AFG3L2: variants seen among roughly 807,000 people sequenced by gnomAD.
AFG3L2 encodes AFG3 like matrix AAA peptidase subunit 2.
A neutral mutation model predicts 94.5 loss-of-function variants in AFG3L2; 54 were observed. The observed-to-expected ratio is 0.57, with a 90% CI of 0.46 to 0.72. The LOEUF is 0.72. AFG3L2 is among the 30% of genes least tolerant of loss of function. AFG3L2 has a pLI of 0.00. For missense variants in AFG3L2, 754 were observed against 994.9 expected (o/e 0.76, Z 3.26); for synonymous variants, 377 against 365.5 (o/e 1.03, Z -0.36).
In AFG3L2 at chr18:12,333,300, ATAT is replaced by A. The variant is rs971222180; in HGVS notation, c.2176-3520_2176-3518del. ...TAGATTATATATAATATATAAATAT[ATAT>A]TATATATTATAAATATATAATATAT... is the stretch of plus-strand genomic sequence containing the variant. On this transcript the variant is annotated intron_variant, in intron 16 of 16. Transcript: ENST00000269143. Among the ~76,000 whole-genome samples the A allele has an allele frequency of 2.3e-3, 303 of 131,398 alleles. 1 individual carries two copies. Among genetic ancestry groups the A allele is most frequent in the African/African-American group, 8.3e-3 (290 of 34,930 alleles). 86.2% of individuals were successfully genotyped at this position (131,398 alleles called of 152,430 possible).
chr18:12,369,472 T>C (rs573922880), intron 3 of AFG3L2, among the ~76,000 whole-genome samples: 2 of 152,316 alleles, frequency 1.3e-5, no homozygotes, highest in African/African-American at 4.8e-5. Context: ...TGGTCACGCC[T>C]GTAATCCTAG....
intron 16 of AFG3L2, among the ~76,000 whole-genome samples, chr18:12,335,616 C>T (rs1381373262): frequency 1.3e-5 from 2 of 152,224 alleles, no homozygotes; most frequent in Non-Finnish European, 1.5e-5. Flanking sequence ...CTGTCTCAGC[C>T]ACTCTTGGGT....
chr18:12,361,492 C>CA (rs1271903731), intron 6 of AFG3L2, among the ~76,000 whole-genome samples: 1 of 151,542 alleles, frequency 6.6e-6, no homozygotes, highest in Non-Finnish European at 1.5e-5. Context: ...ACTAAAAATA[C>CA]AAAAAATTAG....
intron 16 of AFG3L2, among the ~76,000 whole-genome samples, chr18:12,331,779 G>C (rs1184580504): frequency 9.0e-6 from 1 of 111,484 alleles, no homozygotes; most frequent in East Asian, 2.5e-4. Flanking sequence ...GGGCAACAGA[G>C]GGAGAGTCTG....
chr18:12,347,839 G>A (rs369510343), intron 13 of AFG3L2, among the ~76,000 whole-genome samples: 6 of 152,284 alleles, frequency 3.9e-5, no homozygotes, highest in African/African-American at 7.2e-5. Flanking sequence ...GTGAGCCACC[G>A]CACCCGGCTG....
chr18:12,344,982 T>C (rs182657302), intron 13 of AFG3L2, among the ~76,000 whole-genome samples: 106 of 152,354 alleles, frequency 7.0e-4, no homozygotes, highest in African/African-American at 2.1e-3. Context: ...TTCAGAATTA[T>C]CAAATACTGG....
At chr18:12,353,233 G>T in intron 9 of AFG3L2, 75 bp from the exon 10 acceptor site, 1 of 1,572,910 alleles carries the variant, frequency 6.4e-7, no homozygotes, top group Admixed American at 1.7e-5. Context: ...GAAATAAATC[G>T]GCCGGGCACA....
At chr18:12,350,404 A>C (rs969711435) in intron 12 of AFG3L2, among the ~76,000 whole-genome samples, 2 of 152,028 alleles carry the variant, frequency 1.3e-5, no homozygotes, top group Admixed American at 1.3e-4. Context: ...TTTTTAGTTA[A>C]CTTTATTTCA....
In AFG3L2 at chr18:12,331,094, A is replaced by G. The variant is rs56790774; in HGVS notation, c.2176-1311T>C. 4.9e-3 allele frequency among the ~76,000 whole-genome samples: 744 copies of G among 152,344 alleles called. 6 individuals are homozygous for G. The highest frequency in any genetic ancestry group is 0.017 in the African/African-American group (703 of 41,574). ...ATGTAGATGGTGGTCCCGTAAGATT[A>G]TAATACCTTATTTTAACTGTACCTT... is the stretch of plus-strand genomic sequence containing the variant. On this transcript the variant is annotated intron_variant, in intron 16 of 16. Transcript: ENST00000269143.
At chr18:12,368,314 G>A (rs1480158738) in intron 3 of AFG3L2, among the ~76,000 whole-genome samples, 1 of 151,782 alleles carries the variant, frequency 6.6e-6, no homozygotes, top group Non-Finnish European at 1.5e-5. Context: ...AGCTGTGATT[G>A]TACCACTGCA....
chr18:12,375,411 G>GA (rs5823210), intron 1 of AFG3L2, among the ~76,000 whole-genome samples: 27,016 of 118,292 alleles, frequency 0.23, 2,695 homozygotes, highest in Admixed American at 0.31. Flanking sequence ...GCCCAGGTAA[G>GA]AAAAAAAAAA....
chr18:12,342,740 T>C (rs1271562008), intron 14 of AFG3L2: 2 of 152,190 alleles, frequency 1.3e-5, no homozygotes, highest in Non-Finnish European at 2.9e-5. Flanking sequence ...ATTTTTCCTG[T>C]GAATACTCTG....
At chr18:12,367,212 GC>G (rs1190141555) in intron 4 of AFG3L2, 63 bp downstream of exon 4, 1 of 1,611,496 alleles carries the variant, frequency 6.2e-7, no homozygotes, top group Non-Finnish European at 8.5e-7. Context: ...CTACACTAAT[GC>G]CTCCCAACCT....
chr18:12,375,821 G>A lies in AFG3L2; in HGVS notation c.114+1148C>T, dbSNP rs115003893. Among the ~76,000 whole-genome samples the A allele has an allele frequency of 7.1e-3, 1,075 of 151,798 alleles. 19 individuals carry two copies. The highest frequency in any genetic ancestry group is 0.025 in the African/African-American group (1,038 of 41,368). On this transcript the variant is annotated intron_variant, in intron 1 of 16. Coordinates refer to ENST00000269143, the MANE Select transcript of AFG3L2 (RefSeq NM_006796.3). ...GCTGGGATTACAGCCGTGAGCTACC[G>A]CGCCTGGCCTCTCCAGAAACTTTTT...
intron 5 of AFG3L2, among the ~76,000 whole-genome samples, chr18:12,364,421 T>C (rs549490786): frequency 2.0e-5 from 3 of 152,308 alleles, no homozygotes; most frequent in South Asian, 2.1e-4. Context: ...CACCTGTAGA[T>C]AGACACACTA....
At chr18:12,345,329 C>T (rs1032114994) in intron 13 of AFG3L2, among the ~76,000 whole-genome samples, 1 of 152,254 alleles carries the variant, frequency 6.6e-6, no homozygotes, top group African/African-American at 2.4e-5. Context: ...CACTCCATAC[C>T]TCTGTGCTGT....
intron 12 of AFG3L2, 121 bp downstream of exon 12, chr18:12,350,964 G>T: frequency 7.5e-7 from 1 of 1,334,336 alleles, no homozygotes; most frequent in Non-Finnish European, 1.1e-6. Context: ...ATAAAAATGA[G>T]AATATAAACT....
chr18:12,365,137 A>C (rs1392695091), intron 5 of AFG3L2, among the ~76,000 whole-genome samples: 4 of 152,236 alleles, frequency 2.6e-5, no homozygotes, highest in African/African-American at 9.6e-5. Context: ...GAGCAATCCC[A>C]GAGGGGCTGG....
rs753450684 is a variant in AFG3L2 at position 12,329,611 on chromosome 18, C to T, written c.2348G>A (p.Arg783Gln). Residue 783 changes from arginine (R) to glutamine (Q), a missense_variant, in exon 17 of 17, where the codon CGG (arginine) becomes CAG (glutamine). Around this residue, in one of 4 missense-constraint regions of AFG3L2, gnomAD observed 279 missense variants for 378.6 expected, o/e 0.74. Coordinates refer to ENST00000269143, the MANE Select transcript of AFG3L2 (RefSeq NM_006796.3). ...CGGGGGCTCCTCTTTCTCCTTTTCC[C>T]GCTCCTTGTTCCAGTCCTTAAGGCC... ...PEGLKDWNKE[R>Q]EKEKEEPPGE... The T allele has an allele frequency of 7.4e-6, 12 of 1,614,142 alleles. No individual in the cohort carries two copies. The highest frequency in any genetic ancestry group is 1.7e-4 in the Middle Eastern group (1 of 6,058).
Sources: gnomAD v4.1 joint callset for allele counts (sites outside exome capture counted in the v4.1 genomes callset) on GRCh38, gnomAD v4.1.1 for gene constraint, gnomAD v4.1.1 regional missense constraint, MANE v1.5 for transcripts, NCBI Gene and HGNC (gene_info 2026-07-23, HGNC 2026-07-21) for gene names.